Variants in UBR1 observed in about 807,000 individuals in gnomAD.
UBR1 encodes the protein ubiquitin protein ligase E3 component n-recognin 1, also known as E3 ubiquitin-protein ligase UBR1.
A neutral mutation model predicts 242.1 loss-of-function variants in UBR1; 102 were observed. The ratio of observed to expected loss-of-function variants is 0.42; its 90% confidence interval spans 0.36 to 0.50. The LOEUF is 0.50. Ranked by LOEUF, UBR1 falls within the 20% of genes least tolerant of loss-of-function variation. The probability of loss-of-function intolerance (pLI) is 0.01; values close to 1 mark genes in which losing one functional copy is unlikely to be tolerated. For missense variants in UBR1, 1,772 were observed against 2,101.8 expected (o/e 0.84, Z 3.07); for synonymous variants, 675 against 684.8 (o/e 0.99, Z 0.22).
At chr15:42,951,386 G>A (rs1280615552) in intron 45 of UBR1, among the ~76,000 whole-genome samples, 1 of 152,122 alleles carries the variant, frequency 6.6e-6, no homozygotes, top group Non-Finnish European at 1.5e-5. Flanking sequence ...ACCACGCCCA[G>A]CTAATGTTTG....
intron 43 of UBR1, among the ~76,000 whole-genome samples, chr15:42,959,193 C>T (rs1281877580): frequency 6.6e-6 from 1 of 152,032 alleles, no homozygotes; most frequent in Non-Finnish European, 1.5e-5. Context: ...TTTAGTACAA[C>T]CATAACATTT....
intron 43 of UBR1, among the ~76,000 whole-genome samples, chr15:42,960,136 A>G (rs1467095460): frequency 1.3e-5 from 2 of 152,198 alleles, no homozygotes; most frequent in African/African-American, 4.8e-5. Flanking sequence ...AGGAGGTGGC[A>G]TTTAAATTAG....
Position 42,988,813 on chromosome 15 carries a change from C to T in UBR1, c.3997+6G>A, listed in dbSNP as rs776375618. On this transcript the variant is annotated splice_donor_region_variant and intron_variant, in intron 35 of 46. Coordinates refer to ENST00000290650, the MANE Select transcript of UBR1 (RefSeq NM_174916.3). ...ACCTCCAAACCAGTTTTCTTATGAG[C>T]TTTACCAATTGCCTGGATAGTGAAA... 44 of 1,614,010 alleles carry T rather than the reference C, an allele frequency of 2.7e-5. No homozygotes were observed. Among genetic ancestry groups the T allele is most frequent in the Non-Finnish European group, 2.6e-5 (31 of 1,180,038 alleles).
chr15:43,044,109 A>G (rs1408262320), intron 14 of UBR1, among the ~76,000 whole-genome samples: 1 of 152,248 alleles, frequency 6.6e-6, no homozygotes, highest in African/African-American at 2.4e-5. Context: ...CTATTCAGGC[A>G]GTGGAGAATA....
chr15:42,982,905 C>T (rs2032399019), intron 37 of UBR1, among the ~76,000 whole-genome samples: 2 of 152,180 alleles, frequency 1.3e-5, no homozygotes, highest in South Asian at 4.1e-4. Context: ...AAACAACTCT[C>T]TTAAAGCCTG....
chr15:43,061,090 G>GCTTT (rs2033678598), intron 6 of UBR1, among the ~76,000 whole-genome samples: 1 of 151,910 alleles, frequency 6.6e-6, no homozygotes, highest in African/African-American at 2.4e-5. Flanking sequence ...TCAACAAACA[G>GCTTT]GGGGAGGAAA....
intron 1 of UBR1, chr15:43,091,906 CAA>C (rs58586323): frequency 0.1 from 17,233 of 170,050 alleles, no homozygotes; most frequent in East Asian, 0.11. Flanking sequence ...TACACCATCT[CAA>C]AAAAAAAAAA....
At chr15:43,018,891 T>A (rs2033065643) in intron 27 of UBR1, among the ~76,000 whole-genome samples, 1 of 152,204 alleles carries the variant, frequency 6.6e-6, no homozygotes, top group South Asian at 2.1e-4. Flanking sequence ...GATCTGCAAT[T>A]CATAACACCA....
At chr15:43,102,529 G>A (rs1375519054) in intron 1 of UBR1, among the ~76,000 whole-genome samples, 1 of 152,194 alleles carries the variant, frequency 6.6e-6, no homozygotes, top group Non-Finnish European at 1.5e-5. Flanking sequence ...GAAAAGAGCT[G>A]AGTATCATGC....
At chr15:43,029,827 T>G (rs1370231380) in intron 21 of UBR1, 117 bp downstream of exon 21, 1 of 1,169,326 alleles carries the variant, frequency 8.6e-7, no homozygotes, top group Non-Finnish European at 1.3e-6. Flanking sequence ...GGTTTACATC[T>G]ATAAGGTAAT....
At position 43,059,356 on chromosome 15, in the gene UBR1, T is replaced by C. The variant is rs1180436333; in HGVS notation, c.986-164A>G. 2.0e-5 allele frequency among the ~76,000 whole-genome samples: 3 copies of C among 152,168 alleles called. 1 individual carries two copies. Among genetic ancestry groups the C allele is most frequent in the African/African-American group, 7.2e-5 (3 of 41,442 alleles). Reference sequence around the variant, plus strand: ...CTGGCATTACAGACATGAGCCCCTGTACTCAGCCATAATTTTTATTCTTAT... The same window carrying C: ...CTGGCATTACAGACATGAGCCCCTGCACTCAGCCATAATTTTTATTCTTAT... On this transcript the variant is annotated intron_variant, in intron 8 of 46. Transcript: ENST00000290650.
chr15:43,072,955 G>T (rs2033840856), intron 4 of UBR1, among the ~76,000 whole-genome samples: 1 of 152,016 alleles, frequency 6.6e-6, no homozygotes, highest in African/African-American at 2.4e-5. Context: ...TTGAATCCAG[G>T]AGTTCGAATC....
chr15:43,014,447 T>G (rs1438134020), intron 29 of UBR1, among the ~76,000 whole-genome samples: 4 of 147,676 alleles, frequency 2.7e-5, no homozygotes, highest in Non-Finnish European at 4.5e-5. Context: ...GAGCGCCTCT[T>G]CCCGGCTGCC....
chr15:43,081,345 A>T (rs2033971549), intron 3 of UBR1, among the ~76,000 whole-genome samples: 1 of 138,058 alleles, frequency 7.2e-6, no homozygotes, highest in East Asian at 2.4e-4. Context: ...TGAAGCCAGG[A>T]GGCGGACGTT....
chr15:42,985,010 T>A (rs1356313091), intron 35 of UBR1, 68 bp from the exon 36 acceptor site: 5 of 1,151,788 alleles, frequency 4.3e-6, no homozygotes, highest in Non-Finnish European at 6.2e-6. Context: ...CTGTACTTTT[T>A]ATCAAATGTT....
At chr15:42,978,015 C>G in intron 37 of UBR1, 68 bp from the exon 38 acceptor site, 1 of 1,186,566 alleles carries the variant, frequency 8.4e-7, no homozygotes, top group Non-Finnish European at 1.3e-6. Context: ...AAAATGCAAG[C>G]TAAAAACACC....
rs1472745261 is a variant in UBR1 at position 42,952,307 on chromosome 15, G to T, written c.4977C>A (p.His1659Gln). Residue 1659 changes from histidine to glutamine, a missense_variant, in exon 45 of 47, where the codon CAC becomes CAA. Around this residue, in one of 3 missense-constraint regions of UBR1, gnomAD observed 965 missense variants for 1,079.7 expected, o/e 0.89. Transcript: ENST00000290650. ...GGAAAATGCAGACTCCGGCTCCACA[G>T]TGAAGTGCGTGAAAAATGCAAGCTC... Reference protein sequence around the residue: ...EVGACIFHALHCGAGVCIFLK... With the variant: ...EVGACIFHALQCGAGVCIFLK... 1 of 1,614,150 alleles carries T rather than the reference G, an allele frequency of 6.2e-7. No homozygotes were observed. Among genetic ancestry groups the T allele is most frequent in the South Asian group, 1.1e-5 (1 of 91,074 alleles).
chr15:43,105,882 C>G (rs1658936593), intron 1 of UBR1, 60 bp downstream of exon 1: 5 of 1,539,434 alleles, frequency 3.2e-6, no homozygotes, highest in Non-Finnish European at 3.6e-6. Context: ...CCACATCCTC[C>G]TAAGCGCAGT....
chr15:43,015,931 T>A (rs2033017616), intron 28 of UBR1, 62 bp from the exon 29 acceptor site: 1 of 1,489,426 alleles, frequency 6.7e-7, no homozygotes, highest in Non-Finnish European at 9.3e-7. Flanking sequence ...TATACGCTGT[T>A]TGGATGGCAA....
Sources: gnomAD v4.1 joint callset for allele counts (sites outside exome capture counted in the v4.1 genomes callset) on GRCh38, gnomAD v4.1.1 for gene constraint, gnomAD v4.1.1 regional missense constraint, MANE v1.5 for transcripts, NCBI Gene and HGNC (gene_info 2026-07-23, HGNC 2026-07-21) for gene names.